The following KCNJ6 variants were observed in gnomAD, a reference collection of about 807,000 sequenced individuals.
KCNJ6 encodes potassium inwardly rectifying channel subfamily J member 6.
Under a neutral mutation model 34.2 loss-of-function variants are expected in KCNJ6, and 9 were observed. The observed-to-expected ratio is 0.26, with a 90% CI of 0.16 to 0.46. KCNJ6 has a LOEUF of 0.46. KCNJ6 is among the 20% of genes least tolerant of loss of function. The pLI, the probability that KCNJ6 is intolerant of heterozygous loss-of-function variation, is 1.00. For missense variants in KCNJ6, 236 were observed against 531.3 expected, an observed-to-expected ratio of 0.44 and a Z score of 5.46; for synonymous variants, 196 against 207.1, an observed-to-expected ratio of 0.95 and a Z score of 0.46.
At chr21:37,644,308 T>C (rs182300630) in intron 3 of KCNJ6, among the ~76,000 whole-genome samples, 1 of 152,294 alleles carries the variant, frequency 6.6e-6, no homozygotes, top group Non-Finnish European at 1.5e-5. Flanking sequence ...AAATAAGCTG[T>C]ATAAAAAATC....
intron 3 of KCNJ6, among the ~76,000 whole-genome samples, chr21:37,661,662 C>T (rs2054489860): frequency 8.5e-6 from 1 of 117,878 alleles, no homozygotes; most frequent in Non-Finnish European, 1.7e-5. Context: ...CTCTCTCTGT[C>T]GCCCAGGCTG....
At chr21:37,668,133 T>A (rs1569441854) in intron 3 of KCNJ6, among the ~76,000 whole-genome samples, 1 of 152,116 alleles carries the variant, frequency 6.6e-6, no homozygotes, top group African/African-American at 2.4e-5. Context: ...AGCTCGGGTG[T>A]GTGGGGCAGT....
chr21:37,725,506 A>G lies in KCNJ6; in HGVS notation c.26-10375T>C, dbSNP rs946211200. Among the ~76,000 whole-genome samples, 8 of 152,360 alleles carry G rather than the reference A, an allele frequency of 5.3e-5. No individual in the cohort carries two copies. The South Asian group carries it at 1.5e-3, about 28-fold the overall frequency. Reference sequence around the variant, plus strand: ...ATTCGCAAAATTTTAAATAAATGACAAATGAGTATGTGAAAGGTGTGTGTT... The same window carrying G: ...ATTCGCAAAATTTTAAATAAATGACGAATGAGTATGTGAAAGGTGTGTGTT... On this transcript the variant is annotated intron_variant, in intron 2 of 3. Coordinates refer to ENST00000609713, the MANE Select transcript of KCNJ6 (RefSeq NM_002240.5).
chr21:37,771,357 A>G (rs2123503734), intron 2 of KCNJ6, among the ~76,000 whole-genome samples: 1 of 152,274 alleles, frequency 6.6e-6, no homozygotes, highest in Admixed American at 6.5e-5. Flanking sequence ...ATAAGAAGAG[A>G]TTCTGCCTGT....
At chr21:37,769,111 G>T (rs2055105275) in intron 2 of KCNJ6, among the ~76,000 whole-genome samples, 1 of 152,210 alleles carries the variant, frequency 6.6e-6, no homozygotes. Context: ...TGCGCACGGG[G>T]TGATGTGGAG....
At chr21:37,658,488 G>A (rs2054474291) in intron 3 of KCNJ6, among the ~76,000 whole-genome samples, 1 of 152,248 alleles carries the variant, frequency 6.6e-6, no homozygotes, top group African/African-American at 2.4e-5. Context: ...ATGTTAGCAG[G>A]CAACTTTGTG....
intron 1 of KCNJ6, among the ~76,000 whole-genome samples, chr21:37,891,662 G>GGA: frequency 6.6e-6 from 1 of 152,166 alleles, no homozygotes; most frequent in Non-Finnish European, 1.5e-5. Flanking sequence ...AACCTAGGGG[G>GGA]CCCAGGTTGC....
chr21:37,674,189 C>G (rs2123410855), intron 3 of KCNJ6, among the ~76,000 whole-genome samples: 1 of 152,330 alleles, frequency 6.6e-6, no homozygotes, highest in South Asian at 2.1e-4. Context: ...AGCTGAGTTA[C>G]TGCAGCAAAC....
chr21:37,625,626 A>T (rs1040673772), intron 3 of KCNJ6, 142 bp from the exon 4 acceptor site: 3 of 619,884 alleles, frequency 4.8e-6, no homozygotes, highest in Non-Finnish European at 8.5e-6. Flanking sequence ...GGTGTCATTC[A>T]TGTTGTAGAC....
At chr21:37,731,474 T>C (rs2054885035) in intron 2 of KCNJ6, among the ~76,000 whole-genome samples, 1 of 152,224 alleles carries the variant, frequency 6.6e-6, no homozygotes, top group Non-Finnish European at 1.5e-5. Context: ...ACACCTACTA[T>C]GTGCCGGCAT....
At chr21:37,773,242 CGGCATAGCAGGAGGCTCT>C (rs2055126104) in intron 2 of KCNJ6, among the ~76,000 whole-genome samples, 1 of 151,986 alleles carries the variant, frequency 6.6e-6, no homozygotes, top group Non-Finnish European at 1.5e-5. Context: ...TGAGGCTTCA[CGGCATAGCAGGAGGCTCT>C]CTGGACATTT....
In KCNJ6 at chr21:37,667,154, TA is replaced by T. The variant is rs55953891; in HGVS notation, c.947-41671del. On this transcript the variant is annotated intron_variant, in intron 3 of 3. Coordinates refer to ENST00000609713, the MANE Select transcript of KCNJ6 (RefSeq NM_002240.5). ...ACACCCAAGAATGAGCAATAAATAC[TA>T]AAAAAAAAAAAAAAAAAAAAAAAAA... Among the ~76,000 whole-genome samples, 138 of 39,092 alleles carry T rather than the reference TA, an allele frequency of 3.5e-3. 1 individual carries two copies. Among genetic ancestry groups the T allele is most frequent in the African/African-American group, 0.014 (128 of 9,340 alleles). 25.6% of individuals were successfully genotyped at this position (39,092 alleles called of 152,430 possible). A position where few individuals can be genotyped will look rare whatever the true frequency, so the allele number is the denominator to read the frequency against.
At chr21:37,706,707 G>T (rs1022593039) in intron 3 of KCNJ6, among the ~76,000 whole-genome samples, 1 of 152,146 alleles carries the variant, frequency 6.6e-6, no homozygotes. Flanking sequence ...AATGAAATTG[G>T]CTACATAGAA....
intron 3 of KCNJ6, among the ~76,000 whole-genome samples, chr21:37,626,756 T>C (rs1268774951): frequency 6.6e-6 from 1 of 152,230 alleles, no homozygotes; most frequent in Non-Finnish European, 1.5e-5. Context: ...GTGGTGTCTA[T>C]GGCCCATGAT....
intron 1 of KCNJ6, among the ~76,000 whole-genome samples, chr21:37,903,475 A>G (rs982711407): frequency 2.0e-5 from 3 of 152,202 alleles, no homozygotes; most frequent in Non-Finnish European, 4.4e-5. Context: ...TGTTAGCAGC[A>G]TGAGAATGGA....
chr21:37,685,983 C>T (rs2054613485), intron 3 of KCNJ6, among the ~76,000 whole-genome samples: 1 of 151,822 alleles, frequency 6.6e-6, no homozygotes, highest in Non-Finnish European at 1.5e-5. Context: ...TTACAATATA[C>T]CTGAAGAGGC....
At chr21:37,673,475 A>G (rs1035593788) in intron 3 of KCNJ6, among the ~76,000 whole-genome samples, 2 of 152,222 alleles carry the variant, frequency 1.3e-5, no homozygotes, top group African/African-American at 4.8e-5. Context: ...TCTCAGGGAT[A>G]GGATTTGTCT....
intron 1 of KCNJ6, among the ~76,000 whole-genome samples, chr21:37,887,500 A>C (rs997758206): frequency 6.6e-6 from 1 of 152,172 alleles, no homozygotes; most frequent in Non-Finnish European, 1.5e-5. Context: ...GCCTTCATGG[A>C]GCTTGCATTT....
chr21:37,762,875 C>T (rs147170745), intron 2 of KCNJ6, among the ~76,000 whole-genome samples: 9 of 152,334 alleles, frequency 5.9e-5, no homozygotes, highest in Admixed American at 2.6e-4. Context: ...GTCTGCAACA[C>T]GCCCCAGCTG....
Sources: gnomAD v4.1 joint callset for allele counts (sites outside exome capture counted in the v4.1 genomes callset) on GRCh38, gnomAD v4.1.1 for gene constraint, MANE v1.5 for transcripts, NCBI Gene and HGNC (gene_info 2026-07-23, HGNC 2026-07-21) for gene names.